VAV2: variants seen among roughly 807,000 people sequenced by gnomAD.
The protein encoded by VAV2 is vav guanine nucleotide exchange factor 2.
A neutral mutation model predicts 132.5 loss-of-function variants in VAV2; 67 were observed. The ratio of observed to expected loss-of-function variants is 0.51; its 90% CI spans 0.42 to 0.62. VAV2 has a LOEUF of 0.62. VAV2 is among the 20% of genes least tolerant of loss of function. VAV2 has a pLI of 0.00. For missense variants in VAV2, 938 were observed against 1,153.6 expected (o/e 0.81, Z 2.71); for synonymous variants, 492 against 443.5 (o/e 1.11, Z -1.37).
intron 1 of VAV2, among the ~76,000 whole-genome samples, chr9:133,964,309 GAT>G (rs10530876): frequency 0.66 from 97,511 of 148,152 alleles, 32,308 homozygotes; most frequent in East Asian, 0.8. Context: ...AGTGAGCCCT[GAT>G]ATATATATAT....
intron 8 of VAV2, among the ~76,000 whole-genome samples, chr9:133,806,454 G>A (rs913952751): frequency 5.3e-5 from 8 of 152,182 alleles, no homozygotes; most frequent in Non-Finnish European, 8.8e-5. Flanking sequence ...GACTCGGGGC[G>A]GGCTCTGCAG....
chr9:133,898,300 C>T (rs1260073018), intron 2 of VAV2, among the ~76,000 whole-genome samples: 1 of 152,102 alleles, frequency 6.6e-6, no homozygotes, highest in Non-Finnish European at 1.5e-5. Flanking sequence ...CAGAAAGAGA[C>T]TTTTTAGGGC....
At chr9:133,867,726 A>C (rs375128667) in intron 2 of VAV2, among the ~76,000 whole-genome samples, 1 of 152,368 alleles carries the variant, frequency 6.6e-6, no homozygotes, top group East Asian at 1.9e-4. Context: ...TGGAAAGGAC[A>C]TGCACCTTCT....
chr9:133,834,713 G>A lies in VAV2; in HGVS notation c.381-373C>T, dbSNP rs1037716396. Among the ~76,000 whole-genome samples the A allele has an allele frequency of 6.6e-6, 1 of 152,204 alleles. No homozygotes were observed. The highest frequency in any genetic ancestry group is 1.5e-5 in the Non-Finnish European group (1 of 68,034). The stretch of plus-strand genomic sequence containing the variant: ...CTTCCAGGGGGTTCACAGTGGAGAT[G>A]AGGCTCCTCGCACACCTCCTGGTGG... On this transcript the variant is annotated intron_variant, in intron 3 of 29. Transcript: ENST00000371850. The surrounding 1 kb of genome is among the most constrained non-coding windows in gnomAD (Gnocchi z 5.9).
At chr9:133,862,599 G>T (rs1246406922) in intron 2 of VAV2, among the ~76,000 whole-genome samples, 3 of 152,200 alleles carry the variant, frequency 2.0e-5, no homozygotes, top group African/African-American at 7.2e-5. Flanking sequence ...TGTGTGTCTG[G>T]GGGTGGGCAA....
chr9:133,958,913 G>A (rs1321064522), intron 1 of VAV2, among the ~76,000 whole-genome samples: 1 of 152,184 alleles, frequency 6.6e-6, no homozygotes, highest in East Asian at 1.9e-4. Flanking sequence ...GTCACAACCC[G>A]AGGTTCCCAG....
In VAV2 at chr9:133,929,162, C is replaced by T. The variant is rs115644877; in HGVS notation, c.321+9941G>A. 1.9e-3 allele frequency among the ~76,000 whole-genome samples: 282 copies of T among 152,292 alleles called. 2 individuals are homozygous for T. The highest frequency in any genetic ancestry group is 6.6e-3 in the African/African-American group (276 of 41,550). ...TGGGTCCTGATGACGGCCTGATCCTCGGCATCACAACCTGTCCCCAGCCCT... is the reference window on the plus strand; with the variant it reads ...TGGGTCCTGATGACGGCCTGATCCTTGGCATCACAACCTGTCCCCAGCCCT... On this transcript the variant is annotated intron_variant, in intron 2 of 29. Transcript: ENST00000371850.
chr9:133,856,996 C>A (rs1022904335), intron 3 of VAV2, among the ~76,000 whole-genome samples: 1 of 152,172 alleles, frequency 6.6e-6, no homozygotes, highest in Non-Finnish European at 1.5e-5. Flanking sequence ...AGCAACCCCG[C>A]GAGGCAGAGT....
At chr9:133,838,010 A>G (rs1170596945) in intron 3 of VAV2, among the ~76,000 whole-genome samples, 1 of 152,202 alleles carries the variant, frequency 6.6e-6, no homozygotes, top group Non-Finnish European at 1.5e-5. Flanking sequence ...CAGAAGGGGA[A>G]GAGCAGGAGA....
In VAV2 at chr9:133,833,747, G is replaced by A. The variant is rs1344982423; in HGVS notation, c.449+525C>T. ...GGGTGGAGCAGAGGCCTCTCAGAGA[G>A]AGGAATGAGGTGGACACGGAGAAGA... On this transcript the variant is annotated intron_variant, in intron 4 of 29. Coordinates refer to ENST00000371850, the MANE Select transcript of VAV2 (RefSeq NM_001134398.2). The surrounding 1 kb of genome is among the most constrained non-coding windows in gnomAD (Gnocchi z 5.6). Among the ~76,000 whole-genome samples the A allele has an allele frequency of 6.6e-6, 1 of 152,160 alleles. No homozygotes were observed. The highest frequency in any genetic ancestry group is 1.9e-4 in the East Asian group (1 of 5,170).
chr9:133,976,034 A>G (rs972315691), intron 1 of VAV2, among the ~76,000 whole-genome samples: 7 of 82,468 alleles, frequency 8.5e-5, no homozygotes, highest in Non-Finnish European at 1.9e-4. Context: ...CATCTCTACT[A>G]AAAAAAAAAA....
intron 4 of VAV2, among the ~76,000 whole-genome samples, chr9:133,827,571 G>A (rs71483210): frequency 0.023 from 236 of 10,250 alleles, 1 homozygote; most frequent in Middle Eastern, 0.036. Context: ...GCGCCCACTG[G>A]GGCTGACCAC....
intron 1 of VAV2, among the ~76,000 whole-genome samples, chr9:133,956,618 G>A (rs930654358): frequency 2.0e-5 from 3 of 152,224 alleles, no homozygotes; most frequent in Non-Finnish European, 2.9e-5. Context: ...CAGAAAATGC[G>A]AAGATCAACT....
chr9:133,877,495 C>A (rs1407447443), intron 2 of VAV2, among the ~76,000 whole-genome samples: 1 of 152,200 alleles, frequency 6.6e-6, no homozygotes, highest in Non-Finnish European at 1.5e-5. Context: ...CATGAATCCT[C>A]AACCACCCAA....
chr9:133,874,975 T>G (rs116472108), intron 2 of VAV2, among the ~76,000 whole-genome samples: 1,589 of 152,092 alleles, frequency 0.01, 26 homozygotes, highest in African/African-American at 0.036. Context: ...GGTCTAGAAA[T>G]GGGTGCGTCT....
intron 2 of VAV2, among the ~76,000 whole-genome samples, chr9:133,913,840 C>T (rs1034283437): frequency 5.9e-5 from 9 of 152,154 alleles, no homozygotes; most frequent in Non-Finnish European, 1.0e-4. Flanking sequence ...GTGGGATATT[C>T]GGGAAGCAGG....
rs1280893079 is a variant in VAV2 at position 133,863,027 on chromosome 9, T to C, written c.322-1595A>G. On this transcript the variant is annotated intron_variant, in intron 2 of 29. Coordinates refer to ENST00000371850, the MANE Select transcript of VAV2 (RefSeq NM_001134398.2). The surrounding 1 kb of genome is among the most constrained non-coding windows in gnomAD (Gnocchi z 5.0). ...CTGTGCTTCCTCACACAAGACTCGA[T>C]GGGCCCATTATGCGGCCAGCCCAGC... is the stretch of plus-strand genomic sequence containing the variant. Among the ~76,000 whole-genome samples the C allele has an allele frequency of 2.0e-5, 3 of 152,178 alleles. No homozygotes were observed. The highest frequency in any genetic ancestry group is 1.9e-4 in the East Asian group (1 of 5,186).
chr9:133,910,906 C>T (rs912017316), intron 2 of VAV2, among the ~76,000 whole-genome samples: 21 of 151,766 alleles, frequency 1.4e-4, no homozygotes, highest in African/African-American at 4.6e-4. Flanking sequence ...GAGGCGGGCA[C>T]GGGAGTCTAA....
At chr9:133,851,176 A>G (rs1837152463) in intron 3 of VAV2, among the ~76,000 whole-genome samples, 1 of 152,230 alleles carries the variant, frequency 6.6e-6, no homozygotes, top group African/African-American at 2.4e-5. Flanking sequence ...CGCACTCAGG[A>G]GACAACTTTG....
Sources: gnomAD v4.1 joint callset for allele counts (sites outside exome capture counted in the v4.1 genomes callset) on GRCh38, gnomAD v4.1.1 for gene constraint, Gnocchi (gnomAD v3.1) non-coding constraint, MANE v1.5 for transcripts, NCBI Gene and HGNC (gene_info 2026-07-23, HGNC 2026-07-21) for gene names.